Variants in PPP2R2B observed in about 807,000 individuals in gnomAD.
PPP2R2B encodes the protein serine/threonine-protein phosphatase 2A 55 kDa regulatory subunit B beta isoform.
In PPP2R2B, 5 loss-of-function variants were observed where a neutral mutation model predicts 46.0. The observed-to-expected ratio is 0.11, with a 90% CI of 0.06 to 0.23. The LOEUF (loss-of-function observed/expected upper bound fraction) is 0.23. Among genes scored for constraint, PPP2R2B ranks in the 10% least tolerant of loss-of-function variants. PPP2R2B has a pLI of 1.00. For missense variants in PPP2R2B, 367 were observed against 575.0 expected, an observed-to-expected ratio of 0.64 and a Z score of 3.70; for synonymous variants, 215 against 206.7, an observed-to-expected ratio of 1.04 and a Z score of -0.34.
At chr5:146,687,411 G>T (rs891491723) in intron 5 of PPP2R2B, among the ~76,000 whole-genome samples, 1 of 151,978 alleles carries the variant, frequency 6.6e-6, no homozygotes, top group African/African-American at 2.4e-5. Context: ...TGTTAAATGG[G>T]CATTTTAACA....
intron 2 of PPP2R2B, among the ~76,000 whole-genome samples, chr5:146,720,528 G>T (rs1234665218): frequency 1.3e-5 from 2 of 152,142 alleles, no homozygotes; most frequent in African/African-American, 2.4e-5. Context: ...GCTGTTTCTT[G>T]GGGGGAAGAT....
chr5:146,689,913 CA>C (rs1418809204), intron 5 of PPP2R2B, among the ~76,000 whole-genome samples: 1 of 152,184 alleles, frequency 6.6e-6, no homozygotes, highest in Non-Finnish European at 1.5e-5. Context: ...CCCATTAGGA[CA>C]GGGTAAACAC....
intron 1 of PPP2R2B, among the ~76,000 whole-genome samples, chr5:147,033,158 T>C (rs1431917029): frequency 2.0e-5 from 3 of 152,222 alleles, no homozygotes; most frequent in Non-Finnish European, 4.4e-5. Flanking sequence ...TGCTGTACTA[T>C]AACAGTAGAG....
chr5:146,641,948 G>A (rs1775253980), intron 6 of PPP2R2B, among the ~76,000 whole-genome samples: 1 of 152,074 alleles, frequency 6.6e-6, no homozygotes, highest in Admixed American at 6.6e-5. Context: ...TGAATTCATG[G>A]CTAATATACA....
chr5:146,878,716 C>G lies in PPP2R2B; in HGVS notation c.-250G>C. 1 of 974,112 alleles carries G rather than the reference C, an allele frequency of 1.0e-6. No homozygotes were observed. Among genetic ancestry groups the G allele is most frequent in the Non-Finnish European group, 1.3e-6 (1 of 775,468 alleles). The allele number at this position is 974,112 out of a possible 1,614,324, so 60.3% of individuals were successfully genotyped here. On this transcript the variant is annotated 5_prime_UTR_variant, in exon 1 of 10. Transcript: ENST00000394411. The surrounding 1 kb of genome is among the most constrained non-coding windows in gnomAD (Gnocchi z 4.5). ...GCGCACTCACCCTCACACCCACACG[C>G]GCGCACTCGCAGCTGCTGCTGCTGC...
chr5:146,819,817 C>T lies in PPP2R2B; in HGVS notation c.70+58185G>A, dbSNP rs578040204. On this transcript the variant is annotated intron_variant, in intron 2 of 9. Coordinates refer to ENST00000394411, the MANE Select transcript of PPP2R2B (RefSeq NM_181675.4). The stretch of plus-strand genomic sequence containing the variant: ...TATGTCAAAGAGATATCTGCACTCC[C>T]ATGTTTACTGCAACTCCATTCACAA... Among the ~76,000 whole-genome samples, 207 of 152,264 alleles carry T rather than the reference C, an allele frequency of 1.4e-3. 1 individual carries two copies. The highest frequency in any genetic ancestry group is 4.7e-3 in the African/African-American group (197 of 41,560).
chr5:146,749,610 T>C (rs897765013), intron 2 of PPP2R2B, among the ~76,000 whole-genome samples: 56 of 145,830 alleles, frequency 3.8e-4, no homozygotes, highest in Middle Eastern at 3.5e-3. Context: ...TCTTTTCTTT[T>C]TTTTTTTTTT....
intron 1 of PPP2R2B, among the ~76,000 whole-genome samples, chr5:146,986,005 A>G (rs1282914839): frequency 6.6e-6 from 1 of 152,206 alleles, no homozygotes; most frequent in Non-Finnish European, 1.5e-5. Context: ...TCCCCCAACA[A>G]GAACATCAAA....
At chr5:147,070,017 C>T (rs1757539749) in intron 2 of PPP2R2B, among the ~76,000 whole-genome samples, 1 of 151,990 alleles carries the variant, frequency 6.6e-6, no homozygotes, top group Admixed American at 6.6e-5. Context: ...TCTCAAACTC[C>T]TGACCTCGTG....
chr5:146,687,548 T>C (rs1778585693), intron 5 of PPP2R2B, among the ~76,000 whole-genome samples: 1 of 152,196 alleles, frequency 6.6e-6, no homozygotes, highest in African/African-American at 2.4e-5. Context: ...TCATTGGCTA[T>C]TCTGAAGATG....
At chr5:146,888,856 G>T (rs959576858) in intron 1 of PPP2R2B, among the ~76,000 whole-genome samples, 7 of 152,108 alleles carry the variant, frequency 4.6e-5, no homozygotes, top group Non-Finnish European at 1.5e-5. Context: ...ACTTCTTCTG[G>T]TGTCTGTTCC....
chr5:146,980,004 T>C (rs1179621715), intron 1 of PPP2R2B, among the ~76,000 whole-genome samples: 1 of 152,206 alleles, frequency 6.6e-6, no homozygotes, highest in Admixed American at 6.5e-5. Flanking sequence ...TTAATATGGC[T>C]TGGTGGTTTT....
chr5:147,022,008 T>G lies in PPP2R2B; in HGVS notation c.79+33657A>C, dbSNP rs76433179. ...AAATACCTAAAGGAACTTCCGGAGT[T>G]AAAAAATACAGTGTTTGAGATGAAA... On this transcript the variant is annotated intron_variant, in intron 1 of 8. Coordinates refer to the PPP2R2B transcript ENST00000336640. 9.1e-3 allele frequency among the ~76,000 whole-genome samples: 1,382 copies of G among 152,060 alleles called. 61 individuals carry two copies. The East Asian group carries it at 0.14, about 15-fold the overall frequency.
At chr5:146,654,330 C>A (rs72652839) in intron 5 of PPP2R2B, among the ~76,000 whole-genome samples, 8,882 of 152,240 alleles carry the variant, frequency 0.058, 376 homozygotes, top group East Asian at 0.21. Flanking sequence ...GGGCTAGGAT[C>A]TGAAGCCAGT....
At chr5:146,822,379 A>T (rs1758315358) in intron 2 of PPP2R2B, among the ~76,000 whole-genome samples, 1 of 152,074 alleles carries the variant, frequency 6.6e-6, no homozygotes, top group Non-Finnish European at 1.5e-5. Flanking sequence ...GATCCTGCCT[A>T]ACTCTCATAC....
chr5:146,964,015 C>T (rs1207657627), intron 1 of PPP2R2B, among the ~76,000 whole-genome samples: 1 of 152,146 alleles, frequency 6.6e-6, no homozygotes, highest in Non-Finnish European at 1.5e-5. Context: ...GATACTTGAC[C>T]TTCTCCAGGC....
chr5:147,056,361 A>G (rs1429896148), upstream of PPP2R2B, among the ~76,000 whole-genome samples: 1 of 152,132 alleles, frequency 6.6e-6, no homozygotes, highest in African/African-American at 2.4e-5. Context: ...AAACAATAGG[A>G]CCATTTATCA....
intron 1 of PPP2R2B, among the ~76,000 whole-genome samples, chr5:147,048,551 T>C (rs1179700361): frequency 6.6e-6 from 1 of 152,184 alleles, no homozygotes; most frequent in Non-Finnish European, 1.5e-5. Flanking sequence ...CTGTGGTGAA[T>C]GCAGTGGGAA....
At chr5:146,801,907 T>C (rs1756891160) in intron 2 of PPP2R2B, among the ~76,000 whole-genome samples, 1 of 152,194 alleles carries the variant, frequency 6.6e-6, no homozygotes, top group Non-Finnish European at 1.5e-5. Context: ...GTGCTCCAAG[T>C]GGCCCCACTT....
Sources: gnomAD v4.1 joint callset for allele counts (sites outside exome capture counted in the v4.1 genomes callset) on GRCh38, gnomAD v4.1.1 for gene constraint, Gnocchi (gnomAD v3.1) non-coding constraint, MANE v1.5 for transcripts, NCBI Gene and HGNC (gene_info 2026-07-23, HGNC 2026-07-21) for gene names.